Variants in CWH43 observed in about 807,000 individuals in gnomAD.
CWH43 encodes PGAP2-interacting protein.
In CWH43, 91 loss-of-function variants were observed where a neutral mutation model predicts 85.7. The observed-to-expected ratio is 1.06, with a 90% CI of 0.90 to 1.26. The LOEUF is 1.26. Among genes scored for constraint, CWH43 ranks in the 50% most tolerant of loss-of-function variants. The pLI is 0.00. For synonymous variants in CWH43, 323 were observed against 293.6 expected (o/e 1.10, Z -1.02); for missense variants, 869 against 839.2 (o/e 1.04, Z -0.44).
At chr4:49,040,286 G>A (rs918956707) in intron 13 of CWH43, among the ~76,000 whole-genome samples, 1 of 152,158 alleles carries the variant, frequency 6.6e-6, no homozygotes, top group Non-Finnish European at 1.5e-5. Context: ...GGGTCAAATG[G>A]TATTTCTAGT....
intron 1 of CWH43, chr4:48,986,753 TCTC>T (rs1029737858): frequency 1.0e-5 from 13 of 1,281,074 alleles, no homozygotes; most frequent in African/African-American, 1.5e-5. Flanking sequence ...GAGCGCGAAT[TCTC>T]CTCGTGTCGG....
At chr4:49,041,402 T>C (rs906801229) in intron 13 of CWH43, among the ~76,000 whole-genome samples, 1 of 152,212 alleles carries the variant, frequency 6.6e-6, no homozygotes, top group African/African-American at 2.4e-5. Flanking sequence ...CATTTGTTTG[T>C]ATCCTCTTTT....
intron 7 of CWH43, among the ~76,000 whole-genome samples, chr4:49,006,250 C>T (rs978105076): frequency 1.5e-4 from 23 of 151,504 alleles, no homozygotes; most frequent in Non-Finnish European, 3.0e-4. Flanking sequence ...ATTTTATGAA[C>T]GATGAGTTTT....
chr4:49,004,096 G>A, intron 7 of CWH43, 104 bp downstream of exon 7: 1 of 1,037,346 alleles, frequency 9.6e-7, no homozygotes, highest in Non-Finnish European at 1.3e-6. Flanking sequence ...TAAGCAGGAT[G>A]ATCTAGCTTT....
chr4:49,031,424 G>A (rs543759722), intron 11 of CWH43: 1 of 153,806 alleles, frequency 6.5e-6, no homozygotes, highest in Non-Finnish European at 1.4e-5. Flanking sequence ...ATCATGGTGA[G>A]CAGGACCCAG....
At chr4:49,029,914 A>G (rs1439508432) in intron 10 of CWH43, among the ~76,000 whole-genome samples, 1 of 152,228 alleles carries the variant, frequency 6.6e-6, no homozygotes, top group South Asian at 2.1e-4. Flanking sequence ...TGAAAATAGT[A>G]ATCAATAAAT....
At position 48,992,038 on chromosome 4, in the gene CWH43, C is replaced by T. The variant is rs772236714; in HGVS notation, c.459C>T (p.Asn153=). ...LNPIWSYQMS[N]KVILTLSAIA... is the part of the protein sequence containing the mutation. ...CAATCTGGAGTTATCAGATGTCCAA[C>T]AAAGTGATACTGACATTAAGTGCCA... The change falls in exon 4 of 16, where the codon AAC becomes AAT. Residue 153 remains asparagine (N), a synonymous_variant. Coordinates refer to ENST00000226432, the MANE Select transcript of CWH43 (RefSeq NM_025087.3). The surrounding 1 kb of genome is among the most constrained non-coding windows in gnomAD (Gnocchi z 4.3). 37 of 1,613,866 alleles carry T rather than the reference C, an allele frequency of 2.3e-5. No homozygotes were observed. Among genetic ancestry groups the T allele is most frequent in the Middle Eastern group, 1.6e-4 (1 of 6,084 alleles).
intron 15 of CWH43, among the ~76,000 whole-genome samples, chr4:49,061,424 C>A (rs895114320): frequency 2.6e-5 from 4 of 152,210 alleles, no homozygotes; most frequent in Non-Finnish European, 2.9e-5. Flanking sequence ...AGTTAATCTG[C>A]AGCACATTAA....
rs777151662 is a variant in CWH43, at chr4:49,053,222, C to T, written c.2021+2373C>T. ...ATGGGCACTTAGGTTAATTATATTTCTTGGCTATAGTGAAAAATGCTGCAG... is the reference window on the plus strand; with the variant it reads ...ATGGGCACTTAGGTTAATTATATTTTTTGGCTATAGTGAAAAATGCTGCAG... On this transcript the variant is annotated intron_variant, in intron 15 of 15. Coordinates refer to ENST00000226432, the MANE Select transcript of CWH43 (RefSeq NM_025087.3). 7.9e-5 allele frequency among the ~76,000 whole-genome samples: 12 copies of T among 152,226 alleles called. No homozygotes were observed. In the South Asian group the frequency reaches 1.2e-3, roughly 16 times the overall value.
intron 13 of CWH43, among the ~76,000 whole-genome samples, chr4:49,040,445 G>T (rs984422271): frequency 1.3e-5 from 2 of 152,154 alleles, no homozygotes; most frequent in African/African-American, 2.4e-5. Context: ...ATTCTAACTG[G>T]TGTGAGATGG....
chr4:49,054,487 T>G lies in CWH43; in HGVS notation c.2021+3638T>G, dbSNP rs1288238899. ...TTTGCTCGTGATTGCTTAGGCTGCT[T>G]GAGGTGTTTTGTGGTCTTATACAAA... On this transcript the variant is annotated intron_variant, in intron 15 of 15. Coordinates refer to ENST00000226432, the MANE Select transcript of CWH43 (RefSeq NM_025087.3). 2.0e-5 allele frequency among the ~76,000 whole-genome samples: 3 copies of G among 152,288 alleles called. No homozygotes were observed. The East Asian group carries it at 5.8e-4, about 29-fold the overall frequency.
chr4:49,013,051 T>A lies in CWH43; in HGVS notation c.1187-4198T>A, dbSNP rs572630121. ...GCTGTCAGACAGGGACGTTTAAGTC[T>A]GCAGAAGTTTCTCCTGCCTTTTGTT... is the stretch of plus-strand genomic sequence containing the variant. On this transcript the variant is annotated intron_variant, in intron 8 of 15. Transcript: ENST00000226432. Among the ~76,000 whole-genome samples, 5 of 152,390 alleles carry A rather than the reference T, an allele frequency of 3.3e-5. No homozygotes were observed. The South Asian group carries it at 1.0e-3, about 32-fold the overall frequency.
intron 1 of CWH43, 191 bp downstream of exon 1, chr4:48,986,663 A>G: frequency 1.5e-6 from 2 of 1,373,728 alleles, no homozygotes; most frequent in Non-Finnish European, 1.9e-6. Context: ...CCTAGATTGA[A>G]GTCTTCAAGC....
chr4:49,058,559 A>G (rs1273892004), intron 15 of CWH43, among the ~76,000 whole-genome samples: 1 of 152,204 alleles, frequency 6.6e-6, no homozygotes, highest in Non-Finnish European at 1.5e-5. Context: ...TACCTTTACA[A>G]TAAGTTTTAT....
intron 1 of CWH43, chr4:48,986,902 G>GAC: frequency 4.0e-6 from 3 of 745,430 alleles, no homozygotes; most frequent in Non-Finnish European, 4.9e-6. Flanking sequence ...GCTGTAGGTG[G>GAC]ACACTGGGCG....
chr4:49,004,046 G>T, intron 7 of CWH43, 54 bp downstream of exon 7: 1 of 1,493,278 alleles, frequency 6.7e-7, no homozygotes, highest in Non-Finnish European at 9.0e-7. Flanking sequence ...ATATCCTTAT[G>T]GACTGACCAG....
In CWH43 at chr4:49,032,684, G is replaced by A. The variant is rs755118683; in HGVS notation, c.1627G>A (p.Asp543Asn). The A allele has an allele frequency of 6.2e-7, 1 of 1,614,096 alleles. No homozygotes were observed. The highest frequency in any genetic ancestry group is 8.5e-7 in the Non-Finnish European group (1 of 1,179,946). ...LTVNISGKLV[D>N]FVVTHFGNHE... Reference sequence around the variant, plus strand: ...CGTTAACATTTCGGGCAAGCTGGTGGATTTTGTCGTGACACACTTTGGGAA... The same window carrying A: ...CGTTAACATTTCGGGCAAGCTGGTGAATTTTGTCGTGACACACTTTGGGAA... Residue 543 changes from aspartate to asparagine, a missense_variant, in exon 12 of 16, where the codon GAT (aspartate) becomes AAT (asparagine). Asp to Asn is a conservative substitution (Grantham distance 23). Coordinates refer to ENST00000226432, the MANE Select transcript of CWH43 (RefSeq NM_025087.3).
At position 49,052,068 on chromosome 4, in the gene CWH43, T is replaced by G. The variant is rs528176086; in HGVS notation, c.2021+1219T>G. 8.1e-4 allele frequency among the ~76,000 whole-genome samples: 123 copies of G among 152,292 alleles called. 1 individual carries two copies. The highest frequency in any genetic ancestry group is 3.9e-3 in the East Asian group (20 of 5,188). On this transcript the variant is annotated intron_variant, in intron 15 of 15. Coordinates refer to ENST00000226432, the MANE Select transcript of CWH43 (RefSeq NM_025087.3). Reference sequence around the variant, plus strand: ...AGCTAATAAACATTTCTCATTTTTTTGGGGGAAAAAAGAAATTTCTCCATT... The same window carrying G: ...AGCTAATAAACATTTCTCATTTTTTGGGGGGAAAAAAGAAATTTCTCCATT...
At chr4:49,038,500 G>A (rs1784333142) in intron 13 of CWH43, among the ~76,000 whole-genome samples, 1 of 152,262 alleles carries the variant, frequency 6.6e-6, no homozygotes, top group East Asian at 1.9e-4. Flanking sequence ...TGGGACCCTG[G>A]TTCCTCGCCA....
Sources: allele counts gnomAD v4.1 joint callset (sites outside exome capture counted in the v4.1 genomes callset), GRCh38; gene constraint gnomAD v4.1.1; non-coding constraint Gnocchi (gnomAD v3.1); transcripts MANE v1.5; gene names NCBI Gene and HGNC (gene_info 2026-07-23, HGNC 2026-07-21).